SCHIP1: variants seen among roughly 807,000 people sequenced by gnomAD.
SCHIP1 encodes the protein schwannomin interacting protein 1.
A neutral mutation model predicts 29.7 loss-of-function variants in SCHIP1; 8 were observed. The observed-to-expected ratio is 0.27, with a 90% confidence interval of 0.16 to 0.49. The LOEUF is 0.49. SCHIP1 is among the 20% of genes least tolerant of loss of function. The pLI is 0.99. For missense variants in SCHIP1, 193 were observed against 294.6 expected (o/e 0.66, Z 2.52); for synonymous variants, 76 against 94.9 (o/e 0.80, Z 1.16).
At chr3:159,384,469 A>G in the SCHIP1 span, among the ~76,000 whole-genome samples, 8 of 141,898 alleles carry the variant, frequency 5.6e-5, no homozygotes, top group Non-Finnish European at 1.1e-4. Context: ...CCACTTGATC[A>G]TGGTGGATAA....
the SCHIP1 span, among the ~76,000 whole-genome samples, chr3:159,370,626 A>C: frequency 6.6e-6 from 1 of 152,120 alleles, no homozygotes; most frequent in Non-Finnish European, 1.5e-5. Context: ...AAAAGATCCA[A>C]CCTCTTCAAT....
chr3:159,633,070 C>G, the SCHIP1 span, among the ~76,000 whole-genome samples: 1 of 152,158 alleles, frequency 6.6e-6, no homozygotes, highest in Admixed American at 6.5e-5. Flanking sequence ...AAAACTCAGA[C>G]CACACCCTGA....
the SCHIP1 span, among the ~76,000 whole-genome samples, chr3:159,476,750 T>A: frequency 1.3e-5 from 2 of 152,192 alleles, no homozygotes; most frequent in Non-Finnish European, 2.9e-5. Context: ...GTACATACAA[T>A]GTGGAATAAA....
At chr3:159,601,134 T>C in the SCHIP1 span, among the ~76,000 whole-genome samples, 2 of 152,138 alleles carry the variant, frequency 1.3e-5, no homozygotes, top group East Asian at 3.9e-4. Flanking sequence ...GGATGATTCT[T>C]GAGCCTCCAA....
At chr3:159,293,929 G>A in the SCHIP1 span, among the ~76,000 whole-genome samples, 1 of 152,122 alleles carries the variant, frequency 6.6e-6, no homozygotes, top group African/African-American at 2.4e-5. Context: ...ACAAATTACT[G>A]TTAGATTCGT....
chr3:159,514,161 A>G, the SCHIP1 span, among the ~76,000 whole-genome samples: 1 of 152,200 alleles, frequency 6.6e-6, no homozygotes, highest in Non-Finnish European at 1.5e-5. Flanking sequence ...GCAGGTCCAG[A>G]ACACAAAGAA....
chr3:159,535,861 T>C, the SCHIP1 span, among the ~76,000 whole-genome samples: 1 of 152,098 alleles, frequency 6.6e-6, no homozygotes, highest in South Asian at 2.1e-4. Context: ...TTTATAAATG[T>C]AAAATCCATT....
At chr3:159,681,770 T>G in the SCHIP1 span, among the ~76,000 whole-genome samples, 1 of 152,184 alleles carries the variant, frequency 6.6e-6, no homozygotes, top group Non-Finnish European at 1.5e-5. Context: ...GTAGATTAAC[T>G]TGGTTTAACT....
the SCHIP1 span, among the ~76,000 whole-genome samples, chr3:159,284,760 G>A: frequency 6.6e-6 from 1 of 152,042 alleles, no homozygotes; most frequent in Non-Finnish European, 1.5e-5. Context: ...GCCTCCCAAA[G>A]TGTTGGGATT....
the SCHIP1 span, among the ~76,000 whole-genome samples, chr3:159,411,383 A>G: frequency 6.6e-6 from 1 of 152,130 alleles, no homozygotes; most frequent in African/African-American, 2.4e-5. Context: ...GTAACAAAAT[A>G]TCTCATGTAC....
the SCHIP1 span, among the ~76,000 whole-genome samples, chr3:159,399,888 G>A: frequency 6.6e-6 from 1 of 152,242 alleles, no homozygotes; most frequent in Non-Finnish European, 1.5e-5. Flanking sequence ...ATGTTGCCCA[G>A]GCTGGTATTG....
chr3:159,299,269 G>A, the SCHIP1 span, among the ~76,000 whole-genome samples: 4 of 152,230 alleles, frequency 2.6e-5, no homozygotes, highest in South Asian at 8.3e-4. Flanking sequence ...CACCCCTTAT[G>A]TTTCAGTCAC....
the SCHIP1 span, among the ~76,000 whole-genome samples, chr3:159,551,306 G>A: frequency 2.0e-5 from 3 of 152,166 alleles, no homozygotes. Flanking sequence ...AAAAGAGTAT[G>A]CCAAACTATA....
chr3:159,288,044 A>G, the SCHIP1 span, among the ~76,000 whole-genome samples: 1 of 152,216 alleles, frequency 6.6e-6, no homozygotes, highest in Non-Finnish European at 1.5e-5. Context: ...TTGATGTGCT[A>G]GAGGTGGCAT....
the SCHIP1 span, among the ~76,000 whole-genome samples, chr3:159,369,086 G>A: frequency 6.6e-6 from 1 of 152,104 alleles, no homozygotes; most frequent in African/African-American, 2.4e-5. Flanking sequence ...GAGGGCTTCT[G>A]CTCTCTGAGA....
intron 5 of SCHIP1, among the ~76,000 whole-genome samples, chr3:159,890,902 C>A (rs932943228): frequency 2.0e-5 from 3 of 152,142 alleles, no homozygotes; most frequent in African/African-American, 4.8e-5. Flanking sequence ...CCCATTCTAT[C>A]TTTTGTTTCC....
intron 6 of SCHIP1, chr3:159,893,770 G>A (rs1310920436): frequency 1.3e-5 from 2 of 152,092 alleles, no homozygotes; most frequent in African/African-American, 2.4e-5. Flanking sequence ...AGGTGTTGGA[G>A]GCATTCTTTG....
At chr3:159,401,853 T>C in the SCHIP1 span, among the ~76,000 whole-genome samples, 1 of 152,180 alleles carries the variant, frequency 6.6e-6, no homozygotes, top group Non-Finnish European at 1.5e-5. Context: ...AGGGATCCAG[T>C]TTCAGCTTTC....
the SCHIP1 span, among the ~76,000 whole-genome samples, chr3:159,437,634 TA>T: frequency 4.4e-4 from 65 of 148,648 alleles, 1 homozygote; most frequent in South Asian, 3.6e-3. Flanking sequence ...ATTCGTCTTT[TA>T]AAAAAAAAAA....
Sources: gnomAD v4.1 joint callset for allele counts (sites outside exome capture counted in the v4.1 genomes callset) on GRCh38, gnomAD v4.1.1 for gene constraint, MANE v1.5 for transcripts, NCBI Gene and HGNC (gene_info 2026-07-23, HGNC 2026-07-21) for gene names.